EIF5B: variants seen among roughly 807,000 people sequenced by gnomAD.
EIF5B encodes eukaryotic translation initiation factor 5B.
Under a neutral mutation model 147.5 loss-of-function variants are expected in EIF5B, and 47 were observed. The observed-to-expected ratio is 0.32, with a 90% CI of 0.25 to 0.41. The LOEUF (loss-of-function observed/expected upper bound fraction) is 0.41, where lower values mean the gene tolerates loss of function less well. EIF5B is among the 10% of genes least tolerant of loss of function. The pLI is 1.00. For missense variants in EIF5B, 1,064 were observed against 1,413.2 expected, an observed-to-expected ratio of 0.75 and a Z score of 3.96; for synonymous variants, 455 against 456.2, an observed-to-expected ratio of 1.00 and a Z score of 0.03.
Position 99,343,246 on chromosome 2 carries a change from G to A in EIF5B, c.35+5657G>A, listed in dbSNP as rs115510296. Among the ~76,000 whole-genome samples, 817 of 151,412 alleles carry A rather than the reference G, an allele frequency of 5.4e-3. 11 individuals are homozygous for A. Among genetic ancestry groups the A allele is most frequent in the African/African-American group, 0.018 (724 of 41,250 alleles). On this transcript the variant is annotated intron_variant, in intron 1 of 23. Coordinates refer to ENST00000289371, the MANE Select transcript of EIF5B (RefSeq NM_015904.4). ...GCTGGGATCATAGGTGTGAGCCACC[G>A]CACCCAGCCTGGGTTGTATTTTTAT...
chr2:99,347,411 G>T (rs1192033083), intron 1 of EIF5B, among the ~76,000 whole-genome samples: 1 of 152,088 alleles, frequency 6.6e-6, no homozygotes, highest in Non-Finnish European at 1.5e-5. Flanking sequence ...TCTAAATCAG[G>T]GCTTCTCAAA....
chr2:99,393,129 A>C, intron 18 of EIF5B, 31 bp downstream of exon 18: 1 of 1,474,188 alleles, frequency 6.8e-7, no homozygotes. Flanking sequence ...TTTTCCTTAA[A>C]AGCTATTTGA....
chr2:99,394,598 T>A lies in EIF5B; in HGVS notation c.3089+13T>A. On this transcript the variant is annotated intron_variant, in intron 20 of 23. Coordinates refer to ENST00000289371, the MANE Select transcript of EIF5B (RefSeq NM_015904.4). ...AACATGACCCTCAGTAAGTAATTTC[T>A]CTTGCTATGAAGGCTTTCATGTTAC... The A allele has an allele frequency of 6.2e-7, 1 of 1,614,080 alleles. No homozygotes were observed. Among genetic ancestry groups the A allele is most frequent in the South Asian group, 1.1e-5 (1 of 91,078 alleles).
At chr2:99,354,667 G>T (rs1674054494) in intron 1 of EIF5B, among the ~76,000 whole-genome samples, 1 of 151,926 alleles carries the variant, frequency 6.6e-6, no homozygotes, top group African/African-American at 2.4e-5. Flanking sequence ...ATATATCTTG[G>T]GTTCACTCTT....
intron 12 of EIF5B, among the ~76,000 whole-genome samples, chr2:99,380,218 T>C (rs1674659999): frequency 6.6e-6 from 1 of 152,082 alleles, no homozygotes; most frequent in South Asian, 2.1e-4. Context: ...TTTTTTTTTC[T>C]TTTGTTTGCC....
Position 99,360,517 on chromosome 2 carries a change from A to T in EIF5B, c.214A>T (p.Ile72Phe). The T allele has an allele frequency of 6.2e-7, 1 of 1,613,732 alleles. No homozygotes were observed. The highest frequency in any genetic ancestry group is 8.5e-7 in the Non-Finnish European group (1 of 1,179,856). ...LEELSLEAQG[I>F]KADRETVAVK... Reference sequence around the variant, plus strand: ...AGAATTGTCTTTGGAAGCTCAAGGCATCAAAGCTGACAGAGAAACTGTTGC... The same window carrying T: ...AGAATTGTCTTTGGAAGCTCAAGGCTTCAAAGCTGACAGAGAAACTGTTGC... Residue 72 changes from isoleucine (I) to phenylalanine (F), a missense_variant, in exon 3 of 24, where the codon ATC becomes TTC. Physicochemically the swap from Ile to Phe is conservative, Grantham distance 21 (BLOSUM62 0). Around this residue, in one of 4 missense-constraint regions of EIF5B, gnomAD observed 458 missense variants for 451.3 expected, o/e 1.01. Coordinates refer to ENST00000289371, the MANE Select transcript of EIF5B (RefSeq NM_015904.4).
chr2:99,376,371 A>T lies in EIF5B; in HGVS notation c.1577A>T (p.Glu526Val). Residue 526 changes from glutamate to valine, a missense_variant, in exon 10 of 24, where the codon GAA becomes GTA. Physicochemically the swap from Glu to Val is moderately radical, Grantham distance 121. Transcript: ENST00000289371. The part of the protein sequence containing the change: ...EKVEGNKVHI[E>V]VKENPEEEEE... Reference sequence around the variant, plus strand: ...GTAGAAGGAAACAAAGTTCATATAGAAGTAAAAGAAAACCCTGAAGAGGAG... The same window carrying T: ...GTAGAAGGAAACAAAGTTCATATAGTAGTAAAAGAAAACCCTGAAGAGGAG... 6.8e-7 allele frequency: 1 copy of T among 1,474,868 alleles called. No individual in the cohort carries two copies. Among genetic ancestry groups the T allele is most frequent in the Non-Finnish European group, 9.3e-7 (1 of 1,078,748 alleles). The allele number at this position is 1,474,868 out of a possible 1,614,324, so 91.4% of individuals were successfully genotyped here. A position where few individuals can be genotyped will look rare whatever the true frequency, so the allele number is the denominator to read the frequency against.
chr2:99,363,660 A>G lies in EIF5B; in HGVS notation c.935A>G (p.Asp312Gly). ...TTTTTGGTAGATGACAATGAAGGAGACAAAAAGAAGAAAGATAAGAAGAAA... is the reference window on the plus strand; with the variant it reads ...TTTTTGGTAGATGACAATGAAGGAGGCAAAAAGAAGAAAGATAAGAAGAAA... ...PTAAEDDNEGDKKKKDKKKKK... is the reference protein window; with the variant it reads ...PTAAEDDNEGGKKKKDKKKKK... The change falls in exon 5 of 24, where the codon GAC becomes GGC. Residue 312 changes from aspartate (D) to glycine (G), a missense_variant. Asp to Gly is a moderately conservative substitution (Grantham distance 94, BLOSUM62 -1). Around this residue, in one of 4 missense-constraint regions of EIF5B, gnomAD observed 458 missense variants for 451.3 expected, o/e 1.01. Coordinates refer to ENST00000289371, the MANE Select transcript of EIF5B (RefSeq NM_015904.4). 1.3e-6 allele frequency: 2 copies of G among 1,582,656 alleles called. No homozygotes were observed. Among genetic ancestry groups the G allele is most frequent in the Non-Finnish European group, 1.7e-6 (2 of 1,172,400 alleles).
At chr2:99,344,199 C>T (rs753072664) in intron 1 of EIF5B, among the ~76,000 whole-genome samples, 11 of 152,012 alleles carry the variant, frequency 7.2e-5, no homozygotes, top group African/African-American at 1.2e-4. Context: ...GGATTATAGG[C>T]GTGAGCCACC....
At chr2:99,338,993 A>AATATATATATATACAAATAAAT (rs11272483) in intron 1 of EIF5B, among the ~76,000 whole-genome samples, 2 of 132,726 alleles carry the variant, frequency 1.5e-5, no homozygotes, top group African/African-American at 5.4e-5. Flanking sequence ...TATATACACA[A>AATATATATATATACAAATAAAT]ATATATATAT....
intron 7 of EIF5B, 125 bp from the exon 8 acceptor site, chr2:99,369,266 TC>T: frequency 1.8e-6 from 1 of 559,342 alleles, no homozygotes; most frequent in South Asian, 2.4e-5. Context: ...AGAGCGAGAC[TC>T]CATTTCAAAA....
intron 14 of EIF5B, among the ~76,000 whole-genome samples, chr2:99,385,595 T>C (rs1249852660): frequency 6.6e-6 from 1 of 152,236 alleles, no homozygotes; most frequent in Non-Finnish European, 1.5e-5. Flanking sequence ...TAAGAAGATA[T>C]AATGCTGTCA....
intron 1 of EIF5B, among the ~76,000 whole-genome samples, chr2:99,345,992 C>T (rs2094272587): frequency 1.3e-5 from 2 of 151,366 alleles, no homozygotes; most frequent in South Asian, 4.2e-4. Flanking sequence ...AGGGAGTTTG[C>T]TGTTCTCAAA....
intron 10 of EIF5B, 24 bp from the exon 11 acceptor site, chr2:99,378,995 A>ATTTTTTTT (rs200706463): frequency 8.7e-7 from 1 of 1,145,620 alleles, no homozygotes; most frequent in Non-Finnish European, 1.2e-6. Context: ...TTAATTTTTG[A>ATTTTTTTT]TTTTTTTTTT....
chr2:99,338,889 T>A (rs772473849), intron 1 of EIF5B, among the ~76,000 whole-genome samples: 10 of 150,078 alleles, frequency 6.7e-5, no homozygotes, highest in Admixed American at 1.3e-4. Flanking sequence ...GCACATGACC[T>A]GCTTGGTTTC....
chr2:99,379,702 A>G (rs10496336), intron 12 of EIF5B, among the ~76,000 whole-genome samples: 33,851 of 152,060 alleles, frequency 0.22, 4,252 homozygotes, highest in Admixed American at 0.31. Context: ...ATGCTTTAAC[A>G]CTGATACCAT....
In EIF5B at chr2:99,394,800, T is replaced by C; in HGVS notation, c.3171T>C (p.Phe1057=). The change falls in exon 21 of 24, where the codon TTT becomes TTC. Residue 1057 remains phenylalanine (F), a synonymous_variant. Transcript: ENST00000289371. ...CTGATAGTTTAGGAGTTAGAATTTT[T>C]AGTGCAGAAATTATTTATCATTTAT... The part of the protein sequence containing the change: ...EMADSLGVRI[F]SAEIIYHLFD... 1 of 1,613,426 alleles carries C rather than the reference T, an allele frequency of 6.2e-7. No homozygotes were observed. Among genetic ancestry groups the C allele is most frequent in the Non-Finnish European group, 8.5e-7 (1 of 1,179,798 alleles).
At chr2:99,381,300 T>TTA (rs1674682769) in intron 12 of EIF5B, among the ~76,000 whole-genome samples, 1 of 152,184 alleles carries the variant, frequency 6.6e-6, no homozygotes, top group African/African-American at 2.4e-5. Flanking sequence ...TAGGCCTGTA[T>TTA]TAAAGTTCTT....
chr2:99,369,493 T>C lies in EIF5B; in HGVS notation c.1477+12T>C. The C allele has an allele frequency of 6.3e-7, 1 of 1,590,406 alleles. No individual in the cohort carries two copies. Among genetic ancestry groups the C allele is most frequent in the South Asian group, 1.1e-5 (1 of 88,918 alleles). On this transcript the variant is annotated intron_variant, in intron 8 of 23. Coordinates refer to ENST00000289371, the MANE Select transcript of EIF5B (RefSeq NM_015904.4). Reference sequence around the variant, plus strand: ...TCCTGTTGAACCAGGCGGGTAGTGTTATCTGATTATTTAATTAGTGAATTC... The same window carrying C: ...TCCTGTTGAACCAGGCGGGTAGTGTCATCTGATTATTTAATTAGTGAATTC...
Sources: allele counts gnomAD v4.1 joint callset (sites outside exome capture counted in the v4.1 genomes callset), GRCh38; gene constraint gnomAD v4.1.1; regional missense constraint gnomAD v4.1.1; transcripts MANE v1.5; gene names NCBI Gene and HGNC (gene_info 2026-07-23, HGNC 2026-07-21).